The following UBE2H variants were observed in gnomAD, a reference collection of about 807,000 sequenced individuals.
UBE2H encodes ubiquitin conjugating enzyme E2 H.
Under a neutral mutation model 29.0 loss-of-function variants are expected in UBE2H, and 3 were observed. That is an observed-to-expected ratio of 0.10 (90% CI 0.05 to 0.27). The LOEUF (loss-of-function observed/expected upper bound fraction) is 0.27, where lower values mean the gene tolerates loss of function less well. Ranked by LOEUF, UBE2H falls within the 10% of genes least tolerant of loss-of-function variation. The pLI, the probability that UBE2H is intolerant of heterozygous loss-of-function variation, is 1.00. For missense variants in UBE2H, 68 were observed against 228.2 expected, an observed-to-expected ratio of 0.30 and a Z score of 4.52; for synonymous variants, 69 against 82.9, an observed-to-expected ratio of 0.83 and a Z score of 0.91.
intron 1 of UBE2H, among the ~76,000 whole-genome samples, chr7:129,908,009 C>CA (rs1307119371): frequency 6.6e-6 from 1 of 152,122 alleles, no homozygotes; most frequent in African/African-American, 2.4e-5. Flanking sequence ...CAGAAATCAG[C>CA]AAACATTACA....
chr7:129,859,031 A>C, intron 3 of UBE2H, 90 bp from the exon 4 acceptor site: 3 of 1,035,316 alleles, frequency 2.9e-6, no homozygotes, highest in Non-Finnish European at 4.4e-6. Context: ...TATTGGGAAA[A>C]GGTGATAATA....
At chr7:129,850,225 G>A (rs1211465469) in intron 5 of UBE2H, among the ~76,000 whole-genome samples, 1 of 152,014 alleles carries the variant, frequency 6.6e-6, no homozygotes, top group African/African-American at 2.4e-5. Context: ...AAATTAGCCT[G>A]ATGTGGTGGT....
In UBE2H at chr7:129,952,698, G is replaced by GCCGCCC. The variant is rs1351865614; in HGVS notation, c.-149_-144dup. 1 of 912,952 alleles carries GCCGCCC rather than the reference G, an allele frequency of 1.1e-6. No homozygotes were observed. The highest frequency in any genetic ancestry group is 1.8e-5 in the African/African-American group (1 of 56,156). The allele number at this position is 912,952 out of a possible 1,614,324, so 56.6% of individuals were successfully genotyped here. On this transcript the variant is annotated 5_prime_UTR_variant, in exon 1 of 7. Coordinates refer to ENST00000355621, the MANE Select transcript of UBE2H (RefSeq NM_003344.4). ...CCCGGCGGTCCCGTCAGCCGCCGCC[G>GCCGCCC]CCGCCCCCCGCACGGGGGAACACCG...
chr7:129,838,285 T>C (rs1805366764), intron 6 of UBE2H, among the ~76,000 whole-genome samples: 1 of 152,222 alleles, frequency 6.6e-6, no homozygotes, highest in Non-Finnish European at 1.5e-5. Flanking sequence ...GAAGAAAAGC[T>C]ATTGTTTCAT....
intron 1 of UBE2H, among the ~76,000 whole-genome samples, chr7:129,924,436 T>C (rs1807223296): frequency 1.3e-5 from 2 of 152,318 alleles, no homozygotes; most frequent in South Asian, 4.1e-4. Flanking sequence ...AAAAAAGCCC[T>C]AGTAAAAATT....
At chr7:129,946,959 AAATCTGTT>A (rs1807777269) in intron 1 of UBE2H, among the ~76,000 whole-genome samples, 1 of 152,204 alleles carries the variant, frequency 6.6e-6, no homozygotes, top group Non-Finnish European at 1.5e-5. Context: ...TGGAACCATC[AAATCTGTT>A]AAGACTGAAA....
intron 1 of UBE2H, among the ~76,000 whole-genome samples, chr7:129,934,081 C>A (rs183776108): frequency 6.6e-6 from 1 of 152,052 alleles, no homozygotes; most frequent in Non-Finnish European, 1.5e-5. Flanking sequence ...CAGCACTTTG[C>A]GAGGCCAAGG....
At chr7:129,890,238 T>TATACACACGTATAC (rs936828366) in intron 1 of UBE2H, among the ~76,000 whole-genome samples, 3 of 145,310 alleles carry the variant, frequency 2.1e-5, no homozygotes, top group Non-Finnish European at 3.1e-5. Flanking sequence ...CACATATATA[T>TATACACACGTATAC]ATACACACGT....
At position 129,901,942 on chromosome 7, in the gene UBE2H, G is replaced by A. The variant is rs1806724299; in HGVS notation, c.54-20971C>T. ...TAAAAGGCAGGCAGGAGTAGCAGAA[G>A]CAAGTTTGGTGGGGGAGCGGGGGAG... On this transcript the variant is annotated intron_variant, in intron 1 of 6. Transcript: ENST00000355621. 2.0e-5 allele frequency among the ~76,000 whole-genome samples: 3 copies of A among 152,284 alleles called. No individual in the cohort carries two copies. The South Asian group carries it at 6.2e-4, about 32-fold the overall frequency.
At chr7:129,946,122 T>A (rs1359895033) in intron 1 of UBE2H, among the ~76,000 whole-genome samples, 8 of 151,304 alleles carry the variant, frequency 5.3e-5, no homozygotes, top group South Asian at 2.1e-4. Context: ...GCGCTATCTC[T>A]GCTCACTGCA....
intron 5 of UBE2H, 122 bp downstream of exon 5, chr7:129,857,389 G>A (rs541863975): frequency 1.5e-5 from 14 of 930,510 alleles, no homozygotes; most frequent in African/African-American, 1.4e-4. Context: ...TTTCCCAGTC[G>A]GTCCCTCAAA....
chr7:129,870,740 C>A (rs979375489), intron 3 of UBE2H, among the ~76,000 whole-genome samples: 3 of 152,192 alleles, frequency 2.0e-5, no homozygotes, highest in African/African-American at 7.2e-5. Flanking sequence ...CAAAATCAGA[C>A]CTTTCACTCC....
intron 3 of UBE2H, among the ~76,000 whole-genome samples, chr7:129,876,211 G>A (rs1806141607): frequency 6.6e-6 from 1 of 152,148 alleles, no homozygotes; most frequent in Non-Finnish European, 1.5e-5. Context: ...TGCAGAATCT[G>A]TTTAATTCTA....
chr7:129,906,851 G>A (rs996954087), intron 1 of UBE2H, among the ~76,000 whole-genome samples: 1 of 152,114 alleles, frequency 6.6e-6, no homozygotes, highest in Non-Finnish European at 1.5e-5. Flanking sequence ...TACTTTAAAC[G>A]CTTAATCCGT....
intron 1 of UBE2H, among the ~76,000 whole-genome samples, chr7:129,929,102 T>C (rs1935507011): frequency 6.6e-6 from 1 of 152,140 alleles, no homozygotes; most frequent in Non-Finnish European, 1.5e-5. Flanking sequence ...GCGGATCACC[T>C]GAGGTCGGGA....
At chr7:129,868,986 G>C (rs1805974628) in intron 3 of UBE2H, among the ~76,000 whole-genome samples, 1 of 150,446 alleles carries the variant, frequency 6.6e-6, no homozygotes, top group Non-Finnish European at 1.5e-5. Flanking sequence ...GCCCAGGCTG[G>C]AGTGCAATGG....
chr7:129,846,904 C>T (rs1378439638), intron 5 of UBE2H, among the ~76,000 whole-genome samples: 2 of 152,152 alleles, frequency 1.3e-5, no homozygotes, highest in Non-Finnish European at 1.5e-5. Flanking sequence ...AAAAACTTAT[C>T]GGGAAAGACA....
intron 3 of UBE2H, among the ~76,000 whole-genome samples, chr7:129,862,651 C>G (rs984447246): frequency 1.3e-5 from 2 of 152,170 alleles, no homozygotes; most frequent in Non-Finnish European, 2.9e-5. Context: ...ATAGAGGGAA[C>G]AGCCAAGTGC....
Position 129,952,725 on chromosome 7 carries a change from G to C in UBE2H, c.-170C>G. ...CGCCCCCCGCACGGGGGAACACCGGGCACTGTCCGGCCGGGTGGGGGTGGG... is the reference window on the plus strand; with the variant it reads ...CGCCCCCCGCACGGGGGAACACCGGCCACTGTCCGGCCGGGTGGGGGTGGG... On this transcript the variant is annotated 5_prime_UTR_variant, in exon 1 of 7. Transcript: ENST00000355621. The C allele has an allele frequency of 1.5e-6, 1 of 655,460 alleles. No homozygotes were observed. The highest frequency in any genetic ancestry group is 1.9e-5 in the African/African-American group (1 of 51,924). 40.6% of individuals were successfully genotyped at this position (655,460 alleles called of 1,614,324 possible). A position where few individuals can be genotyped will look rare whatever the true frequency, so the allele number is the denominator to read the frequency against.
Sources: allele counts gnomAD v4.1 joint callset (sites outside exome capture counted in the v4.1 genomes callset), GRCh38; gene constraint gnomAD v4.1.1; transcripts MANE v1.5; gene names NCBI Gene and HGNC (gene_info 2026-07-23, HGNC 2026-07-21).